Variants in TNFRSF19 observed in about 807,000 individuals in gnomAD.
The protein encoded by TNFRSF19 is tumor necrosis factor receptor superfamily member 19.
TNFRSF19 carries 27 observed loss-of-function variants against 46.4 expected under a neutral mutation model. The observed-to-expected ratio is 0.58, with a 90% confidence interval of 0.43 to 0.80. The LOEUF is 0.80. TNFRSF19 is among the 30% of genes least tolerant of loss of function. TNFRSF19 has a pLI of 0.00. For missense variants in TNFRSF19, 511 were observed against 530.8 expected (o/e 0.96, Z 0.37); for synonymous variants, 204 against 205.0 (o/e 1.00, Z 0.04).
At chr13:23,612,488 A>G (rs953277609) in intron 3 of TNFRSF19, among the ~76,000 whole-genome samples, 10 of 152,320 alleles carry the variant, frequency 6.6e-5, no homozygotes, top group Non-Finnish European at 1.5e-4. Flanking sequence ...CATGGACACC[A>G]TACTGTAATT....
chr13:23,664,955 C>T (rs1464394236), intron 7 of TNFRSF19, among the ~76,000 whole-genome samples: 2 of 152,198 alleles, frequency 1.3e-5, no homozygotes, highest in East Asian at 3.8e-4. Context: ...GTTGGGCCAT[C>T]ATTGAACAAA....
chr13:23,640,082 C>T (rs1483221026), intron 5 of TNFRSF19, among the ~76,000 whole-genome samples: 2 of 152,062 alleles, frequency 1.3e-5, no homozygotes, highest in African/African-American at 2.4e-5. Context: ...GCAGCGGAGA[C>T]GTTCTGGGTG....
chr13:23,604,209 A>C (rs1880360409), intron 3 of TNFRSF19, among the ~76,000 whole-genome samples: 1 of 152,052 alleles, frequency 6.6e-6, no homozygotes, highest in Admixed American at 6.6e-5. Flanking sequence ...ATATACTGTC[A>C]GTGAACAAGT....
chr13:23,609,674 AAAC>A (rs1880763322), intron 3 of TNFRSF19, among the ~76,000 whole-genome samples: 1 of 152,236 alleles, frequency 6.6e-6, no homozygotes, highest in South Asian at 2.1e-4. Context: ...TAACTCTTGT[AAAC>A]AACAACATAC....
chr13:23,638,381 T>A (rs569105082), intron 5 of TNFRSF19, among the ~76,000 whole-genome samples: 17 of 152,318 alleles, frequency 1.1e-4, no homozygotes, highest in Middle Eastern at 3.4e-3. Flanking sequence ...AGCAGTGAGT[T>A]GCTCCGGCAT....
intron 1 of TNFRSF19, among the ~76,000 whole-genome samples, chr13:23,579,876 AG>A (rs953534274): frequency 3.2e-4 from 48 of 151,028 alleles, no homozygotes; most frequent in Non-Finnish European, 3.1e-4. Context: ...ACTCTGCCCA[AG>A]CCCGACCCGG....
intron 3 of TNFRSF19, among the ~76,000 whole-genome samples, chr13:23,614,307 T>A (rs1032330156): frequency 6.6e-6 from 1 of 152,228 alleles, no homozygotes; most frequent in African/African-American, 2.4e-5. Context: ...AAAATCTAGA[T>A]GGAAGTGATT....
At chr13:23,657,501 G>A (rs1884057077) in intron 5 of TNFRSF19, among the ~76,000 whole-genome samples, 1 of 152,184 alleles carries the variant, frequency 6.6e-6, no homozygotes, top group African/African-American at 2.4e-5. Context: ...AGCATTTGAA[G>A]TGTGGCTAGT....
intron 4 of TNFRSF19, among the ~76,000 whole-genome samples, chr13:23,625,940 T>C (rs1484808487): frequency 6.6e-6 from 1 of 152,212 alleles, no homozygotes; most frequent in East Asian, 1.9e-4. Flanking sequence ...TTTAATTGTG[T>C]CGTGCTTTTC....
At chr13:23,662,261 G>A (rs527847582) in intron 7 of TNFRSF19, among the ~76,000 whole-genome samples, 8 of 152,254 alleles carry the variant, frequency 5.3e-5, no homozygotes, top group African/African-American at 1.9e-4. Flanking sequence ...TGGCTAGACA[G>A]TTATCCCAGG....
intron 7 of TNFRSF19, 84 bp downstream of exon 7, chr13:23,660,574 C>T: frequency 6.8e-7 from 1 of 1,480,716 alleles, no homozygotes; most frequent in Admixed American, 2.2e-5. Flanking sequence ...GTTTATTCAC[C>T]TCACAGCGAG....
Position 23,668,858 on chromosome 13 carries a change from T to C in TNFRSF19, c.1006T>C (p.Ser336Pro), listed in dbSNP as rs367870672. 3.6e-5 allele frequency: 58 copies of C among 1,614,138 alleles called. No individual in the cohort carries two copies. Among genetic ancestry groups the C allele is most frequent in the Non-Finnish European group, 4.7e-5 (55 of 1,180,052 alleles). Residue 336 changes from serine (S) to proline (P), a missense_variant, in exon 9 of 10, where the codon TCT becomes CCT. Coordinates refer to ENST00000248484, the MANE Select transcript of TNFRSF19 (RefSeq NM_148957.4). Reference protein sequence around the residue: ...YPELTGEDIHSLNPELESSTS... With the variant: ...YPELTGEDIHPLNPELESSTS... ...TGAACTCACTGGAGAAGACATTCAT[T>C]CTCTCAATCCAGAACTTGAAAGCTC...
chr13:23,645,917 A>G (rs1033054350), intron 5 of TNFRSF19, among the ~76,000 whole-genome samples: 3 of 152,114 alleles, frequency 2.0e-5, no homozygotes, highest in African/African-American at 7.2e-5. Context: ...TCAAAACTTC[A>G]CCATCTCCAT....
intron 5 of TNFRSF19, among the ~76,000 whole-genome samples, chr13:23,638,076 G>T (rs557270516): frequency 8.2e-6 from 1 of 122,552 alleles, no homozygotes; most frequent in African/African-American, 2.7e-5. Flanking sequence ...CCATAATAAT[G>T]TGTTTCTTTT....
chr13:23,642,999 T>A (rs1416289223), intron 5 of TNFRSF19, among the ~76,000 whole-genome samples: 1 of 152,262 alleles, frequency 6.6e-6, no homozygotes, highest in Non-Finnish European at 1.5e-5. Context: ...TGCTGCCTTT[T>A]TCTGCTTCAT....
chr13:23,581,721 A>G (rs1593228377), intron 1 of TNFRSF19, among the ~76,000 whole-genome samples: 2 of 152,206 alleles, frequency 1.3e-5, no homozygotes, highest in East Asian at 3.8e-4. Flanking sequence ...GCTAACATTC[A>G]TAAAAAGAAT....
At chr13:23,628,877 A>G (rs1327796080) in intron 5 of TNFRSF19, among the ~76,000 whole-genome samples, 1 of 152,234 alleles carries the variant, frequency 6.6e-6, no homozygotes, top group African/African-American at 2.4e-5. Flanking sequence ...TGCAGTGTGC[A>G]CAGCTGATAG....
At chr13:23,583,336 T>C (rs1878590014) in intron 1 of TNFRSF19, among the ~76,000 whole-genome samples, 1 of 152,286 alleles carries the variant, frequency 6.6e-6, no homozygotes, top group Admixed American at 6.5e-5. Flanking sequence ...AAAGTAACCC[T>C]CTAGGTGAAG....
chr13:23,589,625 A>G (rs528714641), intron 1 of TNFRSF19, among the ~76,000 whole-genome samples: 271 of 152,344 alleles, frequency 1.8e-3, no homozygotes, highest in African/African-American at 6.3e-3. Flanking sequence ...TGGGCAGGTT[A>G]CTTAGCCCTC....
Sources: allele counts gnomAD v4.1 joint callset (sites outside exome capture counted in the v4.1 genomes callset), GRCh38; gene constraint gnomAD v4.1.1; transcripts MANE v1.5; gene names NCBI Gene and HGNC (gene_info 2026-07-23, HGNC 2026-07-21).